CPNE9: variants seen among roughly 807,000 people sequenced by gnomAD.
CPNE9 encodes the protein copine-9.
CPNE9 carries 59 observed loss-of-function variants against 83.0 expected under a neutral mutation model. The ratio of observed to expected loss-of-function variants is 0.71; its 90% confidence interval spans 0.58 to 0.88. The LOEUF is 0.88. CPNE9 is among the 40% of genes least tolerant of loss of function. The pLI is 0.00. For missense variants in CPNE9, 619 were observed against 720.8 expected (o/e 0.86, Z 1.62); for synonymous variants, 256 against 273.4 (o/e 0.94, Z 0.63).
At chr3:9,725,564 G>T (rs1035578335) in intron 17 of CPNE9, among the ~76,000 whole-genome samples, 2 of 147,392 alleles carry the variant, frequency 1.4e-5, no homozygotes, top group African/African-American at 5.1e-5. Flanking sequence ...AAATGTGTGT[G>T]TATGGATATA....
In CPNE9 at chr3:9,706,076, G is replaced by C. The variant is rs1239215741; in HGVS notation, c.377+13G>C. The C allele has an allele frequency of 6.8e-6, 11 of 1,612,636 alleles. No individual in the cohort carries two copies. In the Admixed American group the frequency reaches 1.7e-4, roughly 24 times the overall value. The stretch of plus-strand genomic sequence containing the variant: ...AGCGAACCCTCACGTAAGCTGAATA[G>C]GAAGGGGTGTGGGAGTGGGGTGGGG... On this transcript the variant is annotated intron_variant, in intron 7 of 20. Coordinates refer to ENST00000383832, the MANE Select transcript of CPNE9 (RefSeq NM_153635.3).
rs770450996 is a variant in CPNE9 at position 9,712,708 on chromosome 3, A to G, written c.442-17A>G. On this transcript the variant is annotated splice_polypyrimidine_tract_variant and intron_variant, in intron 8 of 20. Transcript: ENST00000383832. Reference sequence around the variant, plus strand: ...GGACAATTGGGGTGCCACCAGCCCAACTTCATCCATCCCTAGGACATTGCC... The same window carrying G: ...GGACAATTGGGGTGCCACCAGCCCAGCTTCATCCATCCCTAGGACATTGCC... The G allele has an allele frequency of 4.3e-6, 7 of 1,612,910 alleles. No individual in the cohort carries two copies. The Admixed American group carries it at 1.2e-4, about 27-fold the overall frequency.
intron 7 of CPNE9, among the ~76,000 whole-genome samples, chr3:9,708,843 C>G (rs1341597835): frequency 1.3e-5 from 2 of 151,744 alleles, no homozygotes; most frequent in African/African-American, 4.8e-5. Context: ...ACCGTGTTAG[C>G]CAGGTTGGTC....
At chr3:9,713,169 A>T in intron 10 of CPNE9, 90 bp downstream of exon 10, 1 of 998,448 alleles carries the variant, frequency 1.0e-6, no homozygotes, top group Non-Finnish European at 1.5e-6. Flanking sequence ...GTATCATAAT[A>T]GCGTTGGAGG....
At chr3:9,712,481 C>A in intron 7 of CPNE9, 60 bp from the exon 8 acceptor site, 2 of 1,385,698 alleles carry the variant, frequency 1.4e-6, no homozygotes, top group Non-Finnish European at 2.1e-6. Context: ...CCCAGACTGG[C>A]CACTCAATCC....
chr3:9,718,440 AT>A, intron 16 of CPNE9, 34 bp from the exon 17 acceptor site: 3 of 1,599,692 alleles, frequency 1.9e-6, no homozygotes, highest in Non-Finnish European at 2.6e-6. Flanking sequence ...TGTACCCTGC[AT>A]GGGCTCAGCC....
At chr3:9,705,319 C>G (rs1412484794) in intron 4 of CPNE9, 145 bp from the exon 5 acceptor site, 1 of 685,744 alleles carries the variant, frequency 1.5e-6, no homozygotes, top group African/African-American at 1.8e-5. Flanking sequence ...ACCCTGACTC[C>G]TCCCCAAAAG....
Position 9,718,037 on chromosome 3 carries a change from C to A in CPNE9, c.940C>A (p.Leu314Met), listed in dbSNP as rs774506048. The change falls in exon 16 of 21, where the codon CTG becomes ATG. Residue 314 changes from leucine (L) to methionine (M), a missense_variant. By Grantham distance (15) the Leu-to-Met change is conservative. Around this residue, in one of 3 missense-constraint regions of CPNE9, gnomAD observed 438 missense variants for 562.9 expected, o/e 0.78. Coordinates refer to ENST00000383832, the MANE Select transcript of CPNE9 (RefSeq NM_153635.3). ...TTCCTGTGTCCCTACAGGGAATCCT[C>A]TGCAGCCTACCTCCCTGCACTACAT... ...IDFTASNGNP[L>M]QPTSLHYMSP... The A allele has an allele frequency of 6.2e-7, 1 of 1,608,242 alleles. No homozygotes were observed. Among genetic ancestry groups the A allele is most frequent in the Non-Finnish European group, 8.5e-7 (1 of 1,177,086 alleles).
chr3:9,716,966 C>A, intron 14 of CPNE9, 92 bp from the exon 15 acceptor site: 5 of 1,334,272 alleles, frequency 3.7e-6, no homozygotes, highest in Non-Finnish European at 4.3e-6. Flanking sequence ...TAACATGAGC[C>A]CCACGTGATC....
chr3:9,710,149 CA>C (rs373181450), intron 7 of CPNE9, among the ~76,000 whole-genome samples: 4 of 148,106 alleles, frequency 2.7e-5, no homozygotes, highest in East Asian at 4.0e-4. Flanking sequence ...TCCATCTCTA[CA>C]AAAAAAAAGG....
At chr3:9,714,309 C>A (rs2076657688) in intron 10 of CPNE9, among the ~76,000 whole-genome samples, 1 of 152,116 alleles carries the variant, frequency 6.6e-6, no homozygotes, top group East Asian at 1.9e-4. Context: ...GGTAATTGGA[C>A]TGGCAAATAT....
At chr3:9,712,886 GGGAATCTCA>G in intron 9 of CPNE9, 58 bp downstream of exon 9, 1 of 1,572,778 alleles carries the variant, frequency 6.4e-7, no homozygotes, top group African/African-American at 1.3e-5. Context: ...TAACAAGTGG[GGGAATCTCA>G]GGAATCTCTG....
chr3:9,716,952 A>C (rs1195768543), intron 14 of CPNE9, 106 bp from the exon 15 acceptor site: 8 of 1,213,658 alleles, frequency 6.6e-6, no homozygotes, highest in Non-Finnish European at 9.6e-6. Context: ...CAGAATCTGC[A>C]TTTTAACATG....
chr3:9,716,267 C>T lies in CPNE9; in HGVS notation c.884+232C>T, dbSNP rs112059147. 5.0e-3 allele frequency among the ~76,000 whole-genome samples: 755 copies of T among 152,260 alleles called. 8 individuals are homozygous for T. Among genetic ancestry groups the T allele is most frequent in the African/African-American group, 0.017 (721 of 41,554 alleles). On this transcript the variant is annotated intron_variant, in intron 14 of 20. Transcript: ENST00000383832. ...CTTTCGACTCCTCCTGGGAAGATGG[C>T]TCCCAGACCAGTGGTCTTCACTGGT... is the stretch of plus-strand genomic sequence containing the variant.
In CPNE9 at chr3:9,706,027, T is replaced by C. The variant is rs1466186677; in HGVS notation, c.341T>C (p.Ile114Thr). ...GCGTTCCTGGCCCTGGGAGAGGTGA[T>C]TGGAGGCCAGGGCAGCCGAGTAGAG... ...GQAFLALGEVIGGQGSRVERT... is the reference protein window; with the variant it reads ...GQAFLALGEVTGGQGSRVERT... Residue 114 changes from isoleucine (I) to threonine (T), a missense_variant, in exon 7 of 21, where the codon ATT becomes ACT. By Grantham distance (89) the Ile-to-Thr change is moderately conservative. This residue lies in a region of CPNE9 where 438 missense variants were observed against 562.9 expected (regional missense o/e 0.78). Coordinates refer to ENST00000383832, the MANE Select transcript of CPNE9 (RefSeq NM_153635.3). The C allele has an allele frequency of 5.6e-6, 9 of 1,613,496 alleles. No individual in the cohort carries two copies. Among genetic ancestry groups the C allele is most frequent in the African/African-American group, 4.0e-5 (3 of 74,880 alleles).
intron 14 of CPNE9, 53 bp downstream of exon 14, chr3:9,716,088 GT>G: frequency 6.7e-7 from 1 of 1,487,206 alleles, no homozygotes; most frequent in Non-Finnish European, 9.3e-7. Context: ...ATTACTCCCA[GT>G]TCTGAGCCCC....
rs2076701916 is a variant in CPNE9, at chr3:9,718,156, T to C, written c.1059T>C (p.Tyr353=). ...DYDSDKLFPA[Y]GFGAKLPPEG... ...ACAGTGATAAGCTCTTCCCAGCTTA[T>C]GGCTTTGGGGCCAAGCTGCCCCCAG... Residue 353 remains tyrosine (Y), a synonymous_variant, in exon 16 of 21, where the codon TAT becomes TAC. Coordinates refer to ENST00000383832, the MANE Select transcript of CPNE9 (RefSeq NM_153635.3). The C allele has an allele frequency of 1.2e-6, 2 of 1,614,144 alleles. No individual in the cohort carries two copies. The highest frequency in any genetic ancestry group is 1.7e-6 in the Non-Finnish European group (2 of 1,179,990).
chr3:9,728,115 C>A (rs574765491), intron 20 of CPNE9, among the ~76,000 whole-genome samples: 83 of 152,296 alleles, frequency 5.4e-4, no homozygotes, highest in Middle Eastern at 6.8e-3. Context: ...TGTGAACACA[C>A]TGGGTTCGAA....
rs763973322 is a variant in CPNE9, at chr3:9,715,979, G to A, written c.828G>A (p.Thr276=). The A allele has an allele frequency of 4.7e-5, 75 of 1,611,376 alleles. No homozygotes were observed. The highest frequency in any genetic ancestry group is 3.3e-4 in the Middle Eastern group (2 of 6,058). The change falls in exon 14 of 21, where the codon ACG becomes ACA. Residue 276 remains threonine, a synonymous_variant. Coordinates refer to ENST00000383832, the MANE Select transcript of CPNE9 (RefSeq NM_153635.3). ...CTGCCTATTCTGTCCCACAGGTGAC[G>A]CTGCTCTCCTTCTCTGTGGACTCTG... ...KKKYVNSGTV[T]LLSFSVDSEF... is the part of the protein sequence containing the mutation.
Sources: allele counts gnomAD v4.1 joint callset (sites outside exome capture counted in the v4.1 genomes callset), GRCh38; gene constraint gnomAD v4.1.1; regional missense constraint gnomAD v4.1.1; transcripts MANE v1.5; gene names NCBI Gene and HGNC (gene_info 2026-07-23, HGNC 2026-07-21).